KIF25: variants seen among roughly 807,000 people sequenced by gnomAD.
KIF25 encodes the protein kinesin-like protein KIF25.
In KIF25, 19 loss-of-function variants were observed where a neutral mutation model predicts 32.9. That is an observed-to-expected ratio of 0.58 (90% CI 0.40 to 0.85). The LOEUF is 0.85. Ranked by LOEUF, KIF25 falls within the 40% of genes least tolerant of loss-of-function variation. KIF25 has a pLI of 0.00. For synonymous variants in KIF25, 225 were observed against 213.7 expected (o/e 1.05, Z -0.46); for missense variants, 485 against 507.0 (o/e 0.96, Z 0.42).
intron 6 of KIF25, chr6:168,030,524 C>T (rs527879107): frequency 1.3e-5 from 2 of 157,508 alleles, no homozygotes; most frequent in East Asian, 1.9e-4. Context: ...TTCCTTCCTT[C>T]CTTTCTTGCA....
Position 168,002,145 on chromosome 6 carries a change from C to CT in KIF25, c.-369-397dup, listed in dbSNP as rs1448567685. On this transcript the variant is annotated intron_variant, in intron 2 of 12. Transcript: ENST00000643607. ...TGGCCTCGGGCAGGTGAGAAGACACCTGAGGCGTGGCCTCGGGCAGGTGAG... is the reference window on the plus strand; with the variant it reads ...TGGCCTCGGGCAGGTGAGAAGACACCTTGAGGCGTGGCCTCGGGCAGGTGAG... Among the ~76,000 whole-genome samples, 2 of 69,344 alleles carry CT rather than the reference C, an allele frequency of 2.9e-5. 1 individual carries two copies. The highest frequency in any genetic ancestry group is 6.0e-5 in the Non-Finnish European group (2 of 33,210). The allele number at this position is 69,344 out of a possible 152,430, so 45.5% of individuals were successfully genotyped here. A position where few individuals can be genotyped will look rare whatever the true frequency, so the allele number is the denominator to read the frequency against.
chr6:168,009,974 G>A (rs1206910126), intron 4 of KIF25, among the ~76,000 whole-genome samples: 1 of 151,794 alleles, frequency 6.6e-6, no homozygotes, highest in African/African-American at 2.4e-5. Flanking sequence ...TGTTAGTCTG[G>A]CTAATGGTTT....
chr6:168,003,475 G>A (rs572481297), intron 3 of KIF25, 139 bp from the exon 4 acceptor site: 5 of 149,354 alleles, frequency 3.3e-5, no homozygotes, highest in African/African-American at 1.0e-4. Context: ...CAGAGAAGCA[G>A]AGGGGTGTTT....
At chr6:168,018,766 G>A (rs544819293) in intron 5 of KIF25, among the ~76,000 whole-genome samples, 15 of 152,298 alleles carry the variant, frequency 9.8e-5, no homozygotes, top group Admixed American at 2.0e-4. Flanking sequence ...CTGCTCCCAG[G>A]CTCTGTCCTC....
intron 12 of KIF25, among the ~76,000 whole-genome samples, chr6:168,044,593 G>T (rs989097234): frequency 6.6e-6 from 1 of 151,354 alleles, no homozygotes; most frequent in Non-Finnish European, 1.5e-5. Context: ...GGAGGGTGAG[G>T]GGTGCTAGTG....
chr6:168,043,504 C>T (rs763564751), intron 12 of KIF25, among the ~76,000 whole-genome samples: 22 of 152,212 alleles, frequency 1.4e-4, no homozygotes, highest in Admixed American at 3.3e-4. Flanking sequence ...CAGACACTCT[C>T]CCTGTCTCTC....
At chr6:168,042,226 C>T in intron 11 of KIF25, 75 bp downstream of exon 11, 1 of 1,415,256 alleles carries the variant, frequency 7.1e-7, no homozygotes, top group Non-Finnish European at 9.5e-7. Context: ...GGATGTGCAA[C>T]CAGGCAGCCC....
chr6:167,999,882 C>T (rs1798473057), intron 2 of KIF25, among the ~76,000 whole-genome samples: 1 of 152,036 alleles, frequency 6.6e-6, no homozygotes, highest in South Asian at 2.1e-4. Flanking sequence ...AAACAAACCC[C>T]CTGGAAATCC....
chr6:168,043,331 G>A (rs1356374104), intron 12 of KIF25, among the ~76,000 whole-genome samples: 2 of 152,182 alleles, frequency 1.3e-5, no homozygotes, highest in Non-Finnish European at 2.9e-5. Flanking sequence ...GTCCCCCAGA[G>A]GTGGCCCTGG....
chr6:168,027,015 C>G (rs930226366), intron 5 of KIF25, among the ~76,000 whole-genome samples: 24 of 152,122 alleles, frequency 1.6e-4, no homozygotes, highest in African/African-American at 4.1e-4. Flanking sequence ...GCCACCAAGA[C>G]CTAGAGCTGT....
At chr6:168,040,255 G>T (rs772999081) in intron 10 of KIF25, 39 bp downstream of exon 10, 2 of 1,577,474 alleles carry the variant, frequency 1.3e-6, no homozygotes, top group East Asian at 2.3e-5. Context: ...GCAAGTAATA[G>T]AAAAACCCAC....
rs146495006 is a variant in KIF25 at position 168,030,793 on chromosome 6, C to T, written c.113C>T (p.Ser38Phe). 115 of 1,613,206 alleles carry T rather than the reference C, an allele frequency of 7.1e-5. 1 individual carries two copies. In the Middle Eastern group the frequency reaches 9.9e-4, roughly 14 times the overall value. ...CTCAGGGTTTATGGTCCAGCAGAGTCTCAGAGCGCGGTCTTTGGAGATGTG... is the reference window on the plus strand; with the variant it reads ...CTCAGGGTTTATGGTCCAGCAGAGTTTCAGAGCGCGGTCTTTGGAGATGTG... ...KDLRVYGPAE[S>F]QSAVFGDVCP... Residue 38 changes from serine to phenylalanine, a missense_variant, in exon 7 of 13, where the codon TCT becomes TTT. Transcript: ENST00000643607.
chr6:168,024,416 CCT>C (rs1328351959), intron 5 of KIF25, among the ~76,000 whole-genome samples: 3 of 134,248 alleles, frequency 2.2e-5, no homozygotes, highest in Non-Finnish European at 3.1e-5. Context: ...TTAGTAAAAA[CCT>C]CTCTCTTTTT....
intron 4 of KIF25, among the ~76,000 whole-genome samples, chr6:168,012,851 G>A (rs1202185058): frequency 6.6e-6 from 1 of 152,028 alleles, no homozygotes; most frequent in Non-Finnish European, 1.5e-5. Context: ...TGGGACGAGG[G>A]CACATGGCTG....
chr6:168,008,265 G>A (rs770676623), intron 4 of KIF25, among the ~76,000 whole-genome samples: 1 of 152,100 alleles, frequency 6.6e-6, no homozygotes, highest in Non-Finnish European at 1.5e-5. Context: ...GTAAGAGGTG[G>A]GGGTCTAGTT....
intron 2 of KIF25, among the ~76,000 whole-genome samples, chr6:168,000,417 T>A (rs1798483630): frequency 1.1e-5 from 1 of 88,096 alleles, no homozygotes; most frequent in Non-Finnish European, 2.1e-5. Context: ...CCTTCCCCAC[T>A]CCCATCCTGT....
intron 4 of KIF25, among the ~76,000 whole-genome samples, chr6:168,017,415 A>G (rs780938716): frequency 1.5e-4 from 23 of 152,260 alleles, no homozygotes; most frequent in Non-Finnish European, 3.1e-4. Flanking sequence ...AGTGAAACTA[A>G]ACTAATTTCA....
intron 4 of KIF25, chr6:168,017,771 C>T (rs891689155): frequency 6.6e-6 from 1 of 152,152 alleles, no homozygotes; most frequent in Non-Finnish European, 1.5e-5. Context: ...TCGTTGAAGG[C>T]CACGTGGTCT....
chr6:168,016,896 C>A (rs975178717), intron 4 of KIF25, among the ~76,000 whole-genome samples: 1 of 152,222 alleles, frequency 6.6e-6, no homozygotes, highest in South Asian at 2.1e-4. Context: ...CCAGGCAGCG[C>A]GGGGCTGAGG....
Sources: allele counts gnomAD v4.1 joint callset (sites outside exome capture counted in the v4.1 genomes callset), GRCh38; gene constraint gnomAD v4.1.1; transcripts MANE v1.5; gene names NCBI Gene and HGNC (gene_info 2026-07-23, HGNC 2026-07-21).